TMEM164: variants seen among roughly 807,000 people sequenced by gnomAD.
TMEM164 encodes transmembrane protein 164, also known as RP13-360B22.2.
TMEM164 carries 4 observed loss-of-function variants against 18.8 expected under a neutral mutation model. The ratio of observed to expected loss-of-function variants is 0.21; its 90% CI spans 0.10 to 0.49. TMEM164 has a LOEUF of 0.49. Ranked by LOEUF, TMEM164 falls within the 20% of genes least tolerant of loss-of-function variation. The probability of loss-of-function intolerance (pLI) is 0.98; values close to 1 mark genes in which losing one functional copy is unlikely to be tolerated. For synonymous variants in TMEM164, 86 were observed against 101.7 expected, an observed-to-expected ratio of 0.85 and a Z score of 0.93; for missense variants, 108 against 239.9, an observed-to-expected ratio of 0.45 and a Z score of 3.63.
chrX:110,181,935 G>A (rs750450293), downstream of TMEM164, among the ~76,000 whole-genome samples: 1 of 112,104 alleles, frequency 8.9e-6, no homozygotes, highest in Non-Finnish European at 1.9e-5. Context: ...AATGTGCCCT[G>A]TGTGGTTGCG....
intron 2 of TMEM164, among the ~76,000 whole-genome samples, chrX:110,066,799 CAA>C (rs760646307): frequency 3.9e-4 from 43 of 111,446 alleles, no homozygotes; most frequent in Non-Finnish European, 6.8e-4. Context: ...TGCTTAGAAA[CAA>C]AAGAATCAAT....
chrX:110,093,913 C>T (rs766455357), intron 3 of TMEM164, among the ~76,000 whole-genome samples: 25 of 111,735 alleles, frequency 2.2e-4, no homozygotes, highest in African/African-American at 6.8e-4. Context: ...TTTCAAAGAA[C>T]ATCTTTATTT....
At chrX:110,019,512 A>G (rs1330152793) in intron 2 of TMEM164, among the ~76,000 whole-genome samples, 2 of 111,476 alleles carry the variant, frequency 1.8e-5, no homozygotes, top group Non-Finnish European at 3.8e-5. Flanking sequence ...TCGACCCTTT[A>G]CACTACTGCC....
intron 2 of TMEM164, among the ~76,000 whole-genome samples, chrX:110,034,934 A>G (rs1213355275): frequency 9.5e-5 from 10 of 105,347 alleles, no homozygotes; most frequent in Admixed American, 8.2e-4. Context: ...CATGGATGAA[A>G]TTGGAAATCA....
At chrX:110,115,603 C>T (rs183829387) in intron 4 of TMEM164, among the ~76,000 whole-genome samples, 5 of 111,567 alleles carry the variant, frequency 4.5e-5, no homozygotes, top group African/African-American at 1.6e-4. Flanking sequence ...ATGAATCCAG[C>T]CTAGATCACA....
chrX:110,093,074 T>G, intron 3 of TMEM164, among the ~76,000 whole-genome samples: 1 of 112,009 alleles, frequency 8.9e-6, no homozygotes, highest in Admixed American at 9.5e-5. Flanking sequence ...TTGATCGTGA[T>G]GGATAAGCTT....
chrX:110,011,046 G>A (rs1444735521), intron 2 of TMEM164, among the ~76,000 whole-genome samples: 1 of 111,826 alleles, frequency 8.9e-6, no homozygotes, highest in East Asian at 2.8e-4. Context: ...AGATGTTCGT[G>A]GGAGTTTATT....
intron 3 of TMEM164, among the ~76,000 whole-genome samples, chrX:110,105,750 TGAGAGAGAGAGAGAGAGAGA>T (rs59866982): frequency 1.4e-4 from 10 of 72,173 alleles, no homozygotes; most frequent in Admixed American, 5.4e-4. Context: ...AGAGAGAGAA[TGAGAGAGAGAGAGAGAGAGA>T]GAGAGAGAGA....
In TMEM164 at chrX:110,018,687, C is replaced by T. The variant is rs374179507; in HGVS notation, c.390+14523C>T. Among the ~76,000 whole-genome samples, 16 of 112,303 alleles carry T rather than the reference C, an allele frequency of 1.4e-4. No homozygotes were observed. The East Asian group carries it at 4.5e-3, about 31-fold the overall frequency. On this transcript the variant is annotated intron_variant, in intron 2 of 6. Transcript: ENST00000372068. Reference sequence around the variant, plus strand: ...AAATGGGGATTAATAGTAGTATCTACTTTATGGGGTTCTTGTAAGAATTAA... The same window carrying T: ...AAATGGGGATTAATAGTAGTATCTATTTTATGGGGTTCTTGTAAGAATTAA...
intron 5 of TMEM164, among the ~76,000 whole-genome samples, chrX:110,166,218 C>G (rs2067157102): frequency 8.9e-6 from 1 of 112,298 alleles, no homozygotes; most frequent in Non-Finnish European, 1.9e-5. Context: ...AAGGCCCTAC[C>G]CTAACCCCTT....
At chrX:110,126,235 G>C (rs1347056267) in intron 4 of TMEM164, among the ~76,000 whole-genome samples, 2 of 111,947 alleles carry the variant, frequency 1.8e-5, no homozygotes, top group Non-Finnish European at 3.8e-5. Context: ...GCCCTCTGGG[G>C]ACAGATAGGG....
intron 2 of TMEM164, among the ~76,000 whole-genome samples, chrX:110,017,399 C>CTCCTTCCT (rs1377920557): frequency 0.012 from 479 of 41,501 alleles, 7 homozygotes; most frequent in African/African-American, 0.031. Flanking sequence ...TGCAGGCCAC[C>CTCCTTCCT]TCCTTCCTTT....
chrX:110,118,119 G>A (rs781707877), intron 4 of TMEM164, among the ~76,000 whole-genome samples: 6 of 112,021 alleles, frequency 5.4e-5, no homozygotes, highest in African/African-American at 1.9e-4. Context: ...CACCATGTTG[G>A]CCAAGCTGGT....
intron 2 of TMEM164, among the ~76,000 whole-genome samples, chrX:110,049,430 G>A (rs1935452800): frequency 9.0e-6 from 1 of 111,013 alleles, no homozygotes; most frequent in African/African-American, 3.3e-5. Flanking sequence ...AGATTATTAG[G>A]CATTAGATTC....
At position 110,108,068 on chromosome X, in the gene TMEM164, C is replaced by CTGTGTGTGTGTGTGTGTG. The variant is rs56714507; in HGVS notation, c.441-971_441-954dup. On this transcript the variant is annotated intron_variant, in intron 3 of 6. Transcript: ENST00000372068. ...TCCCAGCCAGGGCATAGGAGGTATG[C>CTGTGTGTGTGTGTGTGTG]TGTGTGTGTGTGTGTGTGTGTGTGT... Among the ~76,000 whole-genome samples the CTGTGTGTGTGTGTGTGTG allele has an allele frequency of 2.1e-3, 97 of 46,383 alleles. 10 individuals are homozygous for CTGTGTGTGTGTGTGTGTG. The highest frequency in any genetic ancestry group is 6.8e-3 in the African/African-American group (77 of 11,244). 40.3% of individuals were successfully genotyped at this position (46,383 alleles called of 115,157 possible).
rs1933738897 is a variant in TMEM164, at chrX:110,020,317, G to A, written c.390+16153G>A. The A allele has an allele frequency of 1.3e-5, 9 of 719,007 alleles. 1 individual carries two copies. The South Asian group carries it at 6.4e-4, about 51-fold the overall frequency. The allele number at this position is 719,007 out of a possible 1,213,427, so 59.3% of individuals were successfully genotyped here. A position where few individuals can be genotyped will look rare whatever the true frequency, so the allele number is the denominator to read the frequency against. ...AGGAAACTGTGGCTTAGAGGAAAAG[G>A]TCATTAGTTCATTTTGGGATTTGTT... On this transcript the variant is annotated intron_variant, in intron 2 of 6. Transcript: ENST00000372068.
intron 2 of TMEM164, among the ~76,000 whole-genome samples, chrX:110,051,593 A>AAAG (rs1555991742): frequency 3.1e-4 from 32 of 102,960 alleles, no homozygotes; most frequent in South Asian, 4.2e-4. Flanking sequence ...CAAAAAAAAA[A>AAAG]AAAGAAAGAA....
chrX:110,081,164 CT>C (rs1469044089), intron 3 of TMEM164, among the ~76,000 whole-genome samples: 1 of 111,040 alleles, frequency 9.0e-6, no homozygotes, highest in African/African-American at 3.3e-5. Context: ...TTGTTCTTTA[CT>C]GTTTAAAAGT....
intron 3 of TMEM164, among the ~76,000 whole-genome samples, chrX:110,100,455 G>A (rs1002750229): frequency 5.4e-5 from 6 of 111,809 alleles, no homozygotes; most frequent in South Asian, 3.8e-4. Flanking sequence ...ATATGATCAC[G>A]TACTTTTTAG....
Sources: gnomAD v4.1 joint callset for allele counts (sites outside exome capture counted in the v4.1 genomes callset) on GRCh38, gnomAD v4.1.1 for gene constraint, MANE v1.5 for transcripts, NCBI Gene and HGNC (gene_info 2026-07-23, HGNC 2026-07-21) for gene names.